The following FAM178B variants were observed in gnomAD, a reference collection of about 807,000 sequenced individuals.
FAM178B encodes the protein family with sequence similarity 178 member B.
A neutral mutation model predicts 91.7 loss-of-function variants in FAM178B; 82 were observed. The observed-to-expected ratio is 0.89, with a 90% confidence interval of 0.75 to 1.07. FAM178B has a LOEUF of 1.07. Ranked by LOEUF, FAM178B falls within the 50% of genes least tolerant of loss-of-function variation. FAM178B has a pLI of 0.00. For synonymous variants in FAM178B, 368 were observed against 359.4 expected, an observed-to-expected ratio of 1.02 and a Z score of -0.27; for missense variants, 769 against 846.7, an observed-to-expected ratio of 0.91 and a Z score of 1.14.
chr2:96,920,161 G>A (rs1330456019), intron 12 of FAM178B, among the ~76,000 whole-genome samples: 2 of 152,228 alleles, frequency 1.3e-5, no homozygotes, highest in Non-Finnish European at 2.9e-5. Context: ...GTGGATGGGA[G>A]TGGTCTGCTC....
intron 12 of FAM178B, among the ~76,000 whole-genome samples, chr2:96,904,541 ATTTTTTTTTTTTTT>A (rs11284849): frequency 3.1e-5 from 3 of 96,678 alleles, no homozygotes; most frequent in African/African-American, 1.3e-4. Flanking sequence ...ATGCCTGGCT[ATTTTTTTTTTTTTT>A]TTTTTTTTTT....
chr2:96,924,459 T>A (rs1209852475), intron 9 of FAM178B, among the ~76,000 whole-genome samples: 1 of 152,150 alleles, frequency 6.6e-6, no homozygotes, highest in Non-Finnish European at 1.5e-5. Flanking sequence ...GAGCACCAGA[T>A]GATGTTAGAG....
chr2:96,947,696 A>T (rs558515896), intron 8 of FAM178B, 122 bp downstream of exon 8: 1 of 618,676 alleles, frequency 1.6e-6, no homozygotes, highest in Non-Finnish European at 2.9e-6. Flanking sequence ...TGATGCCTCT[A>T]CACCCTGGAT....
chr2:96,933,845 A>G (rs7571567), intron 8 of FAM178B, among the ~76,000 whole-genome samples: 68 of 152,296 alleles, frequency 4.5e-4, no homozygotes, highest in African/African-American at 1.6e-3. Context: ...CTGGTTCCTA[A>G]AGGAAAGCAA....
At chr2:96,906,815 A>G (rs2081065324) in intron 12 of FAM178B, among the ~76,000 whole-genome samples, 1 of 117,470 alleles carries the variant, frequency 8.5e-6, no homozygotes. Context: ...TGGGCCGGGA[A>G]CACAGTGGGA....
intron 1 of FAM178B, among the ~76,000 whole-genome samples, chr2:96,975,546 C>T (rs1254161807): frequency 2.0e-5 from 3 of 152,302 alleles, no homozygotes; most frequent in Admixed American, 2.0e-4. Flanking sequence ...ACCTTAAATG[C>T]TTGTCTTTTT....
chr2:96,911,297 C>T lies in FAM178B; in HGVS notation c.1563-8590G>A, dbSNP rs966497305. ...CTGCTCGAAGAGGAGATGCCTTGGC[C>T]GGAGCCTCGTCTTGAGGCTGAAGAG... On this transcript the variant is annotated intron_variant, in intron 12 of 16. Transcript: ENST00000490605. Among the ~76,000 whole-genome samples the T allele has an allele frequency of 5.3e-5, 8 of 152,146 alleles. 1 individual carries two copies. The highest frequency in any genetic ancestry group is 1.3e-4 in the Admixed American group (2 of 15,270).
At chr2:96,970,484 G>A (rs1267825365) in intron 4 of FAM178B, among the ~76,000 whole-genome samples, 1 of 152,170 alleles carries the variant, frequency 6.6e-6, no homozygotes, top group Non-Finnish European at 1.5e-5. Flanking sequence ...AGCCAAGGTG[G>A]AGAGGGGACC....
chr2:96,983,622 A>G (rs1216722546), intron 1 of FAM178B, among the ~76,000 whole-genome samples: 1 of 152,046 alleles, frequency 6.6e-6, no homozygotes, highest in African/African-American at 2.4e-5. Context: ...AAACAGTTTC[A>G]TTGTGTTGCC....
chr2:96,922,357 T>C (rs2081356127), intron 10 of FAM178B, among the ~76,000 whole-genome samples: 1 of 152,260 alleles, frequency 6.6e-6, no homozygotes, highest in Non-Finnish European at 1.5e-5. Flanking sequence ...TTTATTCTTT[T>C]ACTTTTTTTT....
chr2:96,923,856 C>T (rs528314689), intron 9 of FAM178B, among the ~76,000 whole-genome samples: 1 of 152,216 alleles, frequency 6.6e-6, no homozygotes, highest in Non-Finnish European at 1.5e-5. Context: ...GCCTGCCTCC[C>T]GGCTCACTCA....
rs60102987 is a variant in FAM178B at position 96,930,210 on chromosome 2, C to CAAAAAAAA, written c.1079-898_1079-891dup. ...GTGACAGAGCGAGACTCCGTCTCTC[C>CAAAAAAAA]AAAAAAAAAAAAAAAAAAAAAAAAA... On this transcript the variant is annotated intron_variant, in intron 8 of 16. Coordinates refer to ENST00000490605, the MANE Select transcript of FAM178B (RefSeq NM_001122646.3). Among the ~76,000 whole-genome samples, 10 of 39,488 alleles carry CAAAAAAAA rather than the reference C, an allele frequency of 2.5e-4. 1 individual carries two copies. Among genetic ancestry groups the CAAAAAAAA allele is most frequent in the African/African-American group, 1.1e-3 (8 of 7,404 alleles). 25.9% of individuals were successfully genotyped at this position (39,488 alleles called of 152,430 possible).
chr2:96,888,304 C>T (rs2153367995), intron 14 of FAM178B, among the ~76,000 whole-genome samples: 1 of 152,370 alleles, frequency 6.6e-6, no homozygotes, highest in East Asian at 1.9e-4. Flanking sequence ...CGGTTTCCTC[C>T]CAGCCCTCCT....
chr2:96,954,907 T>G (rs1159611207), intron 6 of FAM178B, among the ~76,000 whole-genome samples: 1 of 151,968 alleles, frequency 6.6e-6, no homozygotes, highest in Non-Finnish European at 1.5e-5. Context: ...AAAACTTAGC[T>G]AAGCATGGTA....
Position 96,923,509 on chromosome 2 carries a change from C to G in FAM178B, c.1268G>C (p.Ser423Thr), listed in dbSNP as rs1057073613. The stretch of plus-strand genomic sequence containing the variant: ...ACTCACCTTGTAGATGTGGCCCAGG[C>G]TGATGTCCAAGGCAATCTCTTGGGG... ...DAPQEIALDI[S>T]LGHIYKFLAL... The change falls in exon 10 of 17, where the codon AGC (serine) becomes ACC (threonine). Residue 423 changes from serine to threonine, a missense_variant. Transcript: ENST00000490605. 5 of 1,551,624 alleles carry G rather than the reference C, an allele frequency of 3.2e-6. No homozygotes were observed. The South Asian group carries it at 4.8e-5, about 15-fold the overall frequency.
At chr2:96,891,036 G>C (rs558349417) in intron 14 of FAM178B, among the ~76,000 whole-genome samples, 1 of 152,320 alleles carries the variant, frequency 6.6e-6, no homozygotes, top group African/African-American at 2.4e-5. Flanking sequence ...TCACTAAGCG[G>C]GATAGTCCAC....
At chr2:96,927,287 C>T (rs896903953) in intron 9 of FAM178B, among the ~76,000 whole-genome samples, 1 of 152,238 alleles carries the variant, frequency 6.6e-6, no homozygotes, top group Admixed American at 6.5e-5. Flanking sequence ...GGAAAGCCTC[C>T]CCAGCCCTGA....
intron 16 of FAM178B, 21 bp from the exon 17 acceptor site, chr2:96,876,329 G>T (rs2080240641): frequency 1.3e-6 from 2 of 1,589,744 alleles, no homozygotes; most frequent in East Asian, 2.3e-5. Flanking sequence ...GAGAAAAGCA[G>T]GCTGTGAGGG....
At chr2:96,928,100 G>A (rs1372425954) in intron 9 of FAM178B, among the ~76,000 whole-genome samples, 1 of 152,150 alleles carries the variant, frequency 6.6e-6, no homozygotes, top group Non-Finnish European at 1.5e-5. Context: ...AAACACAGTC[G>A]TGGAACAGGT....
Sources: gnomAD v4.1 joint callset for allele counts (sites outside exome capture counted in the v4.1 genomes callset) on GRCh38, gnomAD v4.1.1 for gene constraint, MANE v1.5 for transcripts, NCBI Gene and HGNC (gene_info 2026-07-23, HGNC 2026-07-21) for gene names.